The following EDEM2 variants were observed in gnomAD, a reference collection of about 807,000 sequenced individuals.
EDEM2 encodes ER degradation-enhancing alpha-mannosidase-like protein 2.
EDEM2 carries 39 observed loss-of-function variants against 64.8 expected under a neutral mutation model. The ratio of observed to expected loss-of-function variants is 0.60; its 90% CI spans 0.47 to 0.79. The LOEUF is 0.79. EDEM2 is among the 30% of genes least tolerant of loss of function. EDEM2 has a pLI of 0.00. For missense variants in EDEM2, 609 were observed against 731.3 expected, an observed-to-expected ratio of 0.83 and a Z score of 1.93; for synonymous variants, 296 against 291.5, an observed-to-expected ratio of 1.02 and a Z score of -0.16.
intron 10 of EDEM2, among the ~76,000 whole-genome samples, chr20:35,116,851 A>G (rs2085314802): frequency 6.6e-6 from 1 of 151,528 alleles, no homozygotes; most frequent in African/African-American, 2.4e-5. Flanking sequence ...GTGCAATGGC[A>G]TGGTCTCGGC....
At chr20:35,129,631 AG>A (rs1388119735) in intron 7 of EDEM2, among the ~76,000 whole-genome samples, 6 of 152,128 alleles carry the variant, frequency 3.9e-5, no homozygotes, top group Non-Finnish European at 4.4e-5. Flanking sequence ...AATTTAGTAT[AG>A]CCTAAGTGTA....
intron 5 of EDEM2, among the ~76,000 whole-genome samples, chr20:35,135,439 C>G (rs1176412043): frequency 6.6e-6 from 1 of 152,118 alleles, no homozygotes; most frequent in Non-Finnish European, 1.5e-5. Flanking sequence ...TCACTTGAGG[C>G]CAGGAGTTCG....
At position 35,125,747 on chromosome 20, in the gene EDEM2, T is replaced by C. The variant is rs17092315; in HGVS notation, c.969+504A>G. 6.9e-3 allele frequency among the ~76,000 whole-genome samples: 1,052 copies of C among 152,246 alleles called. 11 individuals carry two copies. The highest frequency in any genetic ancestry group is 0.024 in the African/African-American group (1,012 of 41,560). On this transcript the variant is annotated intron_variant, in intron 8 of 10. Coordinates refer to ENST00000374492, the MANE Select transcript of EDEM2 (RefSeq NM_018217.3). ...TTGCCCAGGTGGGACTACTTTTTCTTAAAACTTTTAAAAACGTAGATTATA... is the reference window on the plus strand; with the variant it reads ...TTGCCCAGGTGGGACTACTTTTTCTCAAAACTTTTAAAAACGTAGATTATA...
At position 35,115,449 on chromosome 20, in the gene EDEM2, A is replaced by G; in HGVS notation, c.1721T>C (p.Phe574Ser). Residue 574 changes from phenylalanine to serine, a missense_variant, in exon 11 of 11, where the codon TTC becomes TCC. Phe to Ser is a radical substitution (Grantham distance 155). Coordinates refer to ENST00000374492, the MANE Select transcript of EDEM2 (RefSeq NM_018217.3). ...ATCCAGTGGTTATGAGGAGTCTAGG[A>G]AAACCTGTCCCAGTAATGCCAACTT... is the stretch of plus-strand genomic sequence containing the variant. ...TSKLALLGQVFLDSS is the reference protein window; with the variant it reads ...TSKLALLGQVSLDSS 6.2e-7 allele frequency: 1 copy of G among 1,613,928 alleles called. No homozygotes were observed. The highest frequency in any genetic ancestry group is 1.3e-5 in the African/African-American group (1 of 75,052).
chr20:35,118,787 C>T (rs2085337235), intron 9 of EDEM2, 68 bp from the exon 10 acceptor site: 6 of 1,590,742 alleles, frequency 3.8e-6, no homozygotes, highest in South Asian at 1.1e-5. Context: ...CCTCTTAGGG[C>T]CGTGAGGGAC....
intron 1 of EDEM2, 70 bp from the exon 2 acceptor site, chr20:35,147,005 G>A: frequency 1.3e-6 from 2 of 1,567,730 alleles, no homozygotes; most frequent in Non-Finnish European, 1.7e-6. Flanking sequence ...ACAAGATACA[G>A]GGCGGAAAGT....
chr20:35,143,727 T>A (rs1000734781), intron 3 of EDEM2, among the ~76,000 whole-genome samples: 1 of 151,814 alleles, frequency 6.6e-6, no homozygotes, highest in Admixed American at 6.6e-5. Flanking sequence ...AGTCCAAGTC[T>A]TTTTTTTGAG....
rs2085352635 is a variant in EDEM2 at position 35,120,245 on chromosome 20, T to C, written c.1115-1526A>G. On this transcript the variant is annotated intron_variant, in intron 9 of 10. Transcript: ENST00000374492. ...CCCTGACTAATTTTTGTATTTTTAG[T>C]GGAGACAGGGTTTCGCCATGTTGGC... 7.2e-5 allele frequency among the ~76,000 whole-genome samples: 11 copies of C among 152,328 alleles called. No homozygotes were observed. The South Asian group carries it at 2.3e-3, about 32-fold the overall frequency.
At chr20:35,127,157 A>T (rs556114810) in intron 7 of EDEM2, among the ~76,000 whole-genome samples, 1 of 152,280 alleles carries the variant, frequency 6.6e-6, no homozygotes, top group African/African-American at 2.4e-5. Flanking sequence ...TGCACCATGT[A>T]AGATGTGCCT....
intron 4 of EDEM2, among the ~76,000 whole-genome samples, chr20:35,141,449 A>G (rs2085652639): frequency 6.6e-6 from 1 of 152,234 alleles, no homozygotes; most frequent in African/African-American, 2.4e-5. Context: ...GCTGGGAGAC[A>G]TAGCAGCAAG....
intron 8 of EDEM2, among the ~76,000 whole-genome samples, chr20:35,125,643 C>CA (rs2085422877): frequency 6.6e-6 from 1 of 152,176 alleles, no homozygotes; most frequent in Non-Finnish European, 1.5e-5. Context: ...CTCGGCCTGC[C>CA]AAAGCGCTGG....
At chr20:35,133,735 G>A (rs1393016799) in intron 6 of EDEM2, among the ~76,000 whole-genome samples, 2 of 152,146 alleles carry the variant, frequency 1.3e-5, no homozygotes, top group Non-Finnish European at 2.9e-5. Flanking sequence ...CCAAAGTGCT[G>A]GAATTACAGG....
chr20:35,139,117 C>T (rs943445490), intron 4 of EDEM2, among the ~76,000 whole-genome samples: 12 of 150,896 alleles, frequency 8.0e-5, no homozygotes, highest in African/African-American at 2.2e-4. Context: ...ACTTTGGGAG[C>T]CGAGGTGGAG....
chr20:35,131,826 G>A (rs769031625), intron 6 of EDEM2, 43 bp from the exon 7 acceptor site: 1 of 1,596,996 alleles, frequency 6.3e-7, no homozygotes, highest in Non-Finnish European at 8.6e-7. Context: ...GAAGGCCGAT[G>A]GCCAAAGAAG....
At chr20:35,125,463 C>A (rs552446623) in intron 8 of EDEM2, among the ~76,000 whole-genome samples, 2 of 152,198 alleles carry the variant, frequency 1.3e-5, no homozygotes, top group Admixed American at 1.3e-4. Flanking sequence ...CAGCTCACTG[C>A]AAGCTCCGCC....
chr20:35,136,549 G>C (rs374370939), intron 5 of EDEM2, among the ~76,000 whole-genome samples: 21 of 152,170 alleles, frequency 1.4e-4, no homozygotes, highest in African/African-American at 5.1e-4. Flanking sequence ...TTGATCCCGG[G>C]AGTTCAAGAC....
At chr20:35,134,178 G>A in intron 6 of EDEM2, 1 of 453,800 alleles carries the variant, frequency 2.2e-6, no homozygotes, top group Non-Finnish European at 4.4e-6. Context: ...GGGAAGCTCT[G>A]GTGTTAAATA....
At chr20:35,144,597 G>T (rs968047412) in intron 3 of EDEM2, among the ~76,000 whole-genome samples, 1 of 152,146 alleles carries the variant, frequency 6.6e-6, no homozygotes. Flanking sequence ...GCCTTCCAAA[G>T]TGCTGGGATT....
At chr20:35,145,589 C>T (rs1259057066) in intron 2 of EDEM2, among the ~76,000 whole-genome samples, 3 of 152,156 alleles carry the variant, frequency 2.0e-5, no homozygotes, top group African/African-American at 7.2e-5. Flanking sequence ...AAAAGACATG[C>T]TGACAGAAAG....
Sources: allele counts gnomAD v4.1 joint callset (sites outside exome capture counted in the v4.1 genomes callset), GRCh38; gene constraint gnomAD v4.1.1; transcripts MANE v1.5; gene names NCBI Gene and HGNC (gene_info 2026-07-23, HGNC 2026-07-21).